The following GAS7 variants were observed in gnomAD, a reference collection of about 807,000 sequenced individuals.
GAS7 encodes growth arrest specific 7, also known as growth arrest-specific protein 7.
In GAS7, 28 loss-of-function variants were observed where a neutral mutation model predicts 71.1. The ratio of observed to expected loss-of-function variants is 0.39; its 90% CI spans 0.29 to 0.54. GAS7 has a LOEUF of 0.54. GAS7 is among the 20% of genes least tolerant of loss of function. The pLI, the probability that GAS7 is intolerant of heterozygous loss-of-function variation, is 0.62. For missense variants in GAS7, 436 were observed against 627.8 expected (o/e 0.69, Z 3.27); for synonymous variants, 258 against 245.8 (o/e 1.05, Z -0.46).
At chr17:10,109,826 C>A (rs912295770) in intron 1 of GAS7, among the ~76,000 whole-genome samples, 1 of 152,026 alleles carries the variant, frequency 6.6e-6, no homozygotes, top group Non-Finnish European at 1.5e-5. Context: ...GAGGCAGAGG[C>A]GGGTGGATCA....
intron 7 of GAS7, among the ~76,000 whole-genome samples, chr17:9,941,101 G>A (rs752927990): frequency 6.6e-5 from 10 of 152,198 alleles, no homozygotes; most frequent in African/African-American, 1.7e-4. Context: ...GAGAGAGGGC[G>A]GCTGACAAAG....
chr17:10,189,887 C>T (rs747073960), intron 1 of GAS7, among the ~76,000 whole-genome samples: 58 of 150,540 alleles, frequency 3.9e-4, no homozygotes, highest in Admixed American at 1.9e-3. Flanking sequence ...TGCAGTGAGC[C>T]GAGATCACAC....
intron 2 of GAS7, among the ~76,000 whole-genome samples, chr17:9,982,477 C>G (rs1233006457): frequency 6.6e-6 from 1 of 152,128 alleles, no homozygotes; most frequent in Non-Finnish European, 1.5e-5. Context: ...GCTACAGGCT[C>G]TAATCAGAAA....
At position 10,054,885 on chromosome 17, in the gene GAS7, C is replaced by T. The variant is rs555667938; in HGVS notation, c.184-34988G>A. 1.1e-4 allele frequency among the ~76,000 whole-genome samples: 17 copies of T among 152,190 alleles called. 1 individual carries two copies. Among genetic ancestry groups the T allele is most frequent in the African/African-American group, 2.9e-4 (12 of 41,506 alleles). ...CCTAACCTTCTTTGGAAAGGAAGCA[C>T]AAGACAAGATTCCTGAGGCAGAAGG... On this transcript the variant is annotated intron_variant, in intron 1 of 13. Coordinates refer to ENST00000432992, the MANE Select transcript of GAS7 (RefSeq NM_201433.2).
chr17:10,154,265 G>A (rs973783107), intron 1 of GAS7, among the ~76,000 whole-genome samples: 3 of 151,978 alleles, frequency 2.0e-5, no homozygotes, highest in Non-Finnish European at 2.9e-5. Context: ...TTGGGAGGCC[G>A]AGGCAGGAGG....
intron 2 of GAS7, among the ~76,000 whole-genome samples, chr17:10,002,821 T>C (rs910067392): frequency 6.6e-6 from 1 of 152,250 alleles, no homozygotes; most frequent in African/African-American, 2.4e-5. Flanking sequence ...TGTTAGACAT[T>C]TGGCTTGGTT....
intron 1 of GAS7, among the ~76,000 whole-genome samples, chr17:10,097,508 C>T (rs957869459): frequency 2.0e-5 from 3 of 152,200 alleles, no homozygotes; most frequent in Non-Finnish European, 4.4e-5. Context: ...ACTGGACACA[C>T]AAATCAGGTG....
In GAS7 at chr17:9,951,780, A is replaced by AAAAAAAC. The variant is rs1555601855; in HGVS notation, c.526-4804_526-4798dup. On this transcript the variant is annotated intron_variant, in intron 5 of 13. Transcript: ENST00000432992. Reference sequence around the variant, plus strand: ...TGTCTCAAAAAAAAAAAAAAAAAAAAAAAAAACAAGAAGAAAGGACTTTCC... The same window carrying AAAAAAAC: ...TGTCTCAAAAAAAAAAAAAAAAAAAAAAAAAACAAAAAACAAGAAGAAAGGACTTTCC... 8.6e-4 allele frequency among the ~76,000 whole-genome samples: 122 copies of AAAAAAAC among 142,012 alleles called. 4 individuals are homozygous for AAAAAAAC. Among genetic ancestry groups the AAAAAAAC allele is most frequent in the African/African-American group, 3.2e-3 (118 of 36,334 alleles). The allele number at this position is 142,012 out of a possible 152,430, so 93.2% of individuals were successfully genotyped here.
chr17:9,923,291 A>G (rs1007745752), intron 11 of GAS7, among the ~76,000 whole-genome samples: 1 of 152,176 alleles, frequency 6.6e-6, no homozygotes, highest in Non-Finnish European at 1.5e-5. Flanking sequence ...GATTAAAAAA[A>G]AAGATCTAAA....
chr17:10,143,016 CA>C (rs58006119), intron 1 of GAS7, among the ~76,000 whole-genome samples: 119,553 of 140,316 alleles, frequency 0.85, 50,566 homozygotes, highest in South Asian at 0.88. Context: ...ACTAAAAATA[CA>C]AAAAAAAAAA....
At chr17:9,980,530 G>A (rs914591255) in intron 3 of GAS7, among the ~76,000 whole-genome samples, 6 of 152,188 alleles carry the variant, frequency 3.9e-5, no homozygotes, top group African/African-American at 1.4e-4. Context: ...GGCATTGGAA[G>A]ATTAAATTCC....
chr17:10,154,777 G>A lies in GAS7; in HGVS notation c.183+43431C>T, dbSNP rs977281998. ...CTGTATCATGCTGTCTATGGGTGAT[G>A]CTCCCCAGCCAGCTAGAAAACACCT... On this transcript the variant is annotated intron_variant, in intron 1 of 13. Coordinates refer to ENST00000432992, the MANE Select transcript of GAS7 (RefSeq NM_201433.2). Among the ~76,000 whole-genome samples, 14 of 152,270 alleles carry A rather than the reference G, an allele frequency of 9.2e-5. 2 individuals are homozygous for A. The highest frequency in any genetic ancestry group is 6.5e-4 in the Admixed American group (10 of 15,288).
At chr17:9,978,307 G>T (rs1343486122) in intron 3 of GAS7, among the ~76,000 whole-genome samples, 1 of 150,248 alleles carries the variant, frequency 6.7e-6, no homozygotes, top group Non-Finnish European at 1.5e-5. Context: ...GGAAAATGAG[G>T]CCTGGCAAGG....
chr17:9,925,348 AG>A, intron 11 of GAS7, 127 bp downstream of exon 11: 1 of 912,106 alleles, frequency 1.1e-6, no homozygotes, highest in Non-Finnish European at 1.7e-6. Flanking sequence ...CTGGCAAACA[AG>A]GGAAGTAATT....
chr17:9,934,101 TG>T, intron 9 of GAS7, 64 bp downstream of exon 9: 2 of 1,043,696 alleles, frequency 1.9e-6, no homozygotes, highest in Non-Finnish European at 3.0e-6. Flanking sequence ...GAGAGACAGT[TG>T]TTAACTATTT....
intron 1 of GAS7, among the ~76,000 whole-genome samples, chr17:10,079,342 A>G (rs962402384): frequency 2.6e-5 from 4 of 152,208 alleles, no homozygotes; most frequent in Non-Finnish European, 4.4e-5. Context: ...TGGCCAGGAT[A>G]CTCTAAAGTT....
chr17:10,087,179 A>G (rs1447301369), intron 1 of GAS7, among the ~76,000 whole-genome samples: 5 of 152,146 alleles, frequency 3.3e-5, no homozygotes, highest in East Asian at 3.9e-4. Flanking sequence ...GGGTGAGTTC[A>G]GCCTGAGCTC....
In GAS7 at chr17:10,046,851, A is replaced by C. The variant is rs1426541052; in HGVS notation, c.184-26954T>G. ...AAGGAAGGAAGGAAGGAAGGAAAGA[A>C]AAGAAAAGAAAAAAGAAAAGAAAAG... On this transcript the variant is annotated intron_variant, in intron 1 of 13. Transcript: ENST00000432992. 4.9e-5 allele frequency among the ~76,000 whole-genome samples: 7 copies of C among 141,904 alleles called. 2 individuals carry two copies. The East Asian group carries it at 1.4e-3, about 28-fold the overall frequency. 93.1% of individuals were successfully genotyped at this position (141,904 alleles called of 152,430 possible). A position where few individuals can be genotyped will look rare whatever the true frequency, so the allele number is the denominator to read the frequency against.
intron 2 of GAS7, among the ~76,000 whole-genome samples, chr17:10,017,287 T>C (rs1201270045): frequency 2.6e-5 from 4 of 151,514 alleles, no homozygotes; most frequent in Non-Finnish European, 5.9e-5. Context: ...AACTATCATA[T>C]GGCCCAGTGA....
Sources: gnomAD v4.1 joint callset for allele counts (sites outside exome capture counted in the v4.1 genomes callset) on GRCh38, gnomAD v4.1.1 for gene constraint, MANE v1.5 for transcripts, NCBI Gene and HGNC (gene_info 2026-07-23, HGNC 2026-07-21) for gene names.